Variants in TTN observed in about 807,000 individuals in gnomAD.
TTN encodes the protein connectin.
A neutral mutation model predicts 3,223.0 loss-of-function variants in TTN; 1,525 were observed. The ratio of observed to expected loss-of-function variants is 0.47; its 90% confidence interval spans 0.45 to 0.49. The LOEUF (loss-of-function observed/expected upper bound fraction) is 0.49, where lower values mean the gene tolerates loss of function less well. TTN is among the 20% of genes least tolerant of loss of function. The probability of loss-of-function intolerance (pLI) is 0.00; values close to 1 mark genes in which losing one functional copy is unlikely to be tolerated. For missense variants in TTN, 40,786 were observed against 43,424.0 expected (o/e 0.94, Z 5.40); for synonymous variants, 14,094 against 15,161.0 (o/e 0.93, Z 5.17).
Position 178,642,229 on chromosome 2 carries a change from T to C in TTN, c.40558+8A>G. On this transcript the variant is annotated splice_region_variant and intron_variant, in intron 219 of 362. Transcript: ENST00000589042. Reference sequence around the variant, plus strand: ...TAACGCTGACAGAATGGTTGAAAAATACTATACCGCTTTTCAGAACAACTT... The same window carrying C: ...TAACGCTGACAGAATGGTTGAAAAACACTATACCGCTTTTCAGAACAACTT... The C allele has an allele frequency of 6.4e-7, 1 of 1,573,734 alleles. No homozygotes were observed. Among genetic ancestry groups the C allele is most frequent in the Non-Finnish European group, 8.6e-7 (1 of 1,157,966 alleles).
chr2:178,577,027 T>C lies in TTN; in HGVS notation c.69308A>G (p.Lys23103Arg). 1 of 1,613,472 alleles carries C rather than the reference T, an allele frequency of 6.2e-7. No individual in the cohort carries two copies. Among genetic ancestry groups the C allele is most frequent in the Non-Finnish European group, 8.5e-7 (1 of 1,179,574 alleles). The change falls in exon 324 of 363, where the codon AAA (lysine) becomes AGA (arginine). Residue 23103 changes from lysine (K) to arginine (R), a missense_variant. Transcript: ENST00000589042. ...DIQSCRHVAT[K>R]LIQGNEYIFR... is the part of the protein sequence containing the mutation. ...GATGTACTCATTTCCTTGGATAAGT[T>C]TGGTTGCCACATGCCTGCAAGACTG...
Position 178,706,484 on chromosome 2 carries a change from A to G in TTN, c.29390T>C (p.Ile9797Thr), listed in dbSNP as rs771829036. 1.9e-6 allele frequency: 3 copies of G among 1,613,396 alleles called. No homozygotes were observed. The highest frequency in any genetic ancestry group is 4.5e-5 in the East Asian group (2 of 44,868). Residue 9797 changes from isoleucine to threonine, a missense_variant, in exon 102 of 363, where the codon ATT becomes ACT. By Grantham distance (89) the Ile-to-Thr change is moderately conservative (BLOSUM62 -1). Coordinates refer to ENST00000589042, the MANE Select transcript of TTN (RefSeq NM_001267550.2). The part of the protein sequence containing the change: ...QVDERKKQEK[I>T]EGDLRAMLKK... ...CAGCATTGCTCTAAGATCGCCTTCAATTTTCTCTTGTTTCTTCCTTTCATC... is the reference window on the plus strand; with the variant it reads ...CAGCATTGCTCTAAGATCGCCTTCAGTTTTCTCTTGTTTCTTCCTTTCATC...
At chr2:178,795,849 C>T (rs1171652941) in intron 6 of TTN, among the ~76,000 whole-genome samples, 1 of 152,160 alleles carries the variant, frequency 6.6e-6, no homozygotes, top group Non-Finnish European at 1.5e-5. Context: ...ACAGGTTGTG[C>T]AGTGCACTTT....
intron 146 of TTN, 44 bp from the exon 147 acceptor site, chr2:178,677,331 T>C: frequency 1.8e-6 from 1 of 548,068 alleles, no homozygotes; most frequent in Non-Finnish European, 2.4e-6. Flanking sequence ...CACATATACA[T>C]GGTCATATAT....
rs777212562 is a variant in TTN at position 178,543,904 on chromosome 2, A to G, written c.96240T>C (p.Ala32080=). 1.2e-6 allele frequency: 2 copies of G among 1,613,720 alleles called. No homozygotes were observed. The highest frequency in any genetic ancestry group is 1.7e-6 in the Non-Finnish European group (2 of 1,179,698). ...TTTCAGCTTCAATTGTGTATTTTCC[A>G]GCATCGTACCGATTAACTTTGTCCA... The part of the protein sequence containing the change: ...LIVDKVNRYD[A]GKYTIEAENQ... The change falls in exon 346 of 363, where the codon GCT becomes GCC. Residue 32080 remains alanine (A), a synonymous_variant. Transcript: ENST00000589042.
intron 88 of TTN, among the ~76,000 whole-genome samples, chr2:178,716,266 TA>T (rs1440548041): frequency 1.3e-5 from 2 of 152,176 alleles, no homozygotes; most frequent in Non-Finnish European, 2.9e-5. Context: ...TTTCCTCTTT[TA>T]GGTGTTAAAT....
In TTN at chr2:178,555,065, G is replaced by A. The variant is rs146181116; in HGVS notation, c.88394C>T (p.Ser29465Phe). 3.8e-3 allele frequency: 6,060 copies of A among 1,613,780 alleles called. 19 individuals carry two copies. Among genetic ancestry groups the A allele is most frequent in the Non-Finnish European group, 4.5e-3 (5,271 of 1,179,808 alleles). Reference sequence around the variant, plus strand: ...CTCAATAGTAGGCGCAGGTTTGCCAGAAATGCCAGCTCTGAGCTTCACAGA... The same window carrying A: ...CTCAATAGTAGGCGCAGGTTTGCCAAAAATGCCAGCTCTGAGCTTCACAGA... The part of the protein sequence containing the change: ...GTSVKLRAGI[S>F]GKPAPTIEWY... Residue 29465 changes from serine (S) to phenylalanine (F), a missense_variant, in exon 331 of 363, where the codon TCT becomes TTT. Coordinates refer to ENST00000589042, the MANE Select transcript of TTN (RefSeq NM_001267550.2).
chr2:178,714,389 C>T lies in TTN; in HGVS notation c.26385G>A (p.Gln8795=). The part of the protein sequence containing the change: ...ISYSENIATL[Q]FSRVEPANAG... ...CATTGGCTGGTTCCACTCTTGAAAACTGTAAGGTTGCAATGTTTTCTGAAT... is the reference window on the plus strand; with the variant it reads ...CATTGGCTGGTTCCACTCTTGAAAATTGTAAGGTTGCAATGTTTTCTGAAT... The change falls in exon 91 of 363, where the codon CAG becomes CAA. Residue 8795 remains glutamine, a synonymous_variant. Coordinates refer to ENST00000589042, the MANE Select transcript of TTN (RefSeq NM_001267550.2). 5 of 1,613,754 alleles carry T rather than the reference C, an allele frequency of 3.1e-6. No individual in the cohort carries two copies. Among genetic ancestry groups the T allele is most frequent in the Non-Finnish European group, 4.2e-6 (5 of 1,179,736 alleles).
intron 253 of TTN, 97 bp from the exon 254 acceptor site, chr2:178,617,609 T>TATC: frequency 7.1e-7 from 1 of 1,416,646 alleles, no homozygotes; most frequent in South Asian, 1.4e-5. Context: ...TTAACAGGTT[T>TATC]ATCAAATTCA....
chr2:178,646,077 G>T, intron 216 of TTN, 47 bp from the exon 217 acceptor site: 1 of 652,922 alleles, frequency 1.5e-6, no homozygotes, highest in East Asian at 5.2e-5. Flanking sequence ...ATGTTAGCAT[G>T]TGGATATGTA....
At chr2:178,585,611 G>C (rs557975068) in intron 308 of TTN, among the ~76,000 whole-genome samples, 1 of 152,038 alleles carries the variant, frequency 6.6e-6, no homozygotes, top group African/African-American at 2.4e-5. Context: ...ACCCCTGACA[G>C]GCCCCAGTGT....
intron 316 of TTN, 22 bp downstream of exon 316, chr2:178,581,477 T>C (rs374496815): frequency 1.3e-5 from 20 of 1,558,554 alleles, no homozygotes; most frequent in Admixed American, 1.8e-5. Context: ...AAGCCTTATG[T>C]ACTCCCCCTG....
chr2:178,556,134 A>G (rs1289259051), intron 330 of TTN: 1 of 152,258 alleles, frequency 6.6e-6, no homozygotes, highest in Non-Finnish European at 1.5e-5. Flanking sequence ...TATCATCATC[A>G]AAGTCTGTGT....
rs761922521 is a variant in TTN at position 178,702,229 on chromosome 2, G to A, written c.30450C>T (p.Ile10150=). Reference sequence around the variant, plus strand: ...CTTCACCTCTTGGCTCCAGCCGAGCGATGACCGAGTAGACACCTAGGGTGA... The same window carrying A: ...CTTCACCTCTTGGCTCCAGCCGAGCAATGACCGAGTAGACACCTAGGGTGA... ...TPDDEGVYSV[I]ARLEPRGEAR... The change falls in exon 108 of 363, where the codon ATC becomes ATT. Residue 10150 remains isoleucine, a synonymous_variant. Transcript: ENST00000589042. 16 of 1,613,836 alleles carry A rather than the reference G, an allele frequency of 9.9e-6. No individual in the cohort carries two copies. The highest frequency in any genetic ancestry group is 2.7e-5 in the African/African-American group (2 of 74,902).
chr2:178,632,668 T>A lies in TTN; in HGVS notation c.43338A>T (p.Glu14446Asp), dbSNP rs766663791. Residue 14446 changes from glutamate (E) to aspartate (D), a missense_variant, in exon 235 of 363, where the codon GAA becomes GAT. Glu to Asp is a conservative substitution (Grantham distance 45). Transcript: ENST00000589042. ...GCTCAAATCTGTCATCACCTGTGATTTCCTGGGTTCCTTTTAGCCAACGGA... is the reference window on the plus strand; with the variant it reads ...GCTCAAATCTGTCATCACCTGTGATATCCTGGGTTCCTTTTAGCCAACGGA... Reference protein sequence around the residue: ...KTFRWLKGTQEITGDDRFELI... With the variant: ...KTFRWLKGTQDITGDDRFELI... The A allele has an allele frequency of 3.7e-6, 6 of 1,613,466 alleles. No homozygotes were observed. Among genetic ancestry groups the A allele is most frequent in the Non-Finnish European group, 5.1e-6 (6 of 1,179,548 alleles).
At chr2:178,595,116 G>T (rs1576173455) in intron 295 of TTN, among the ~76,000 whole-genome samples, 1 of 151,864 alleles carries the variant, frequency 6.6e-6, no homozygotes, top group South Asian at 2.1e-4. Flanking sequence ...ACTAGAAATA[G>T]AAAAATTAGC....
chr2:178,591,465 C>A lies in TTN; in HGVS notation c.60260G>T (p.Gly20087Val). 3 of 1,587,816 alleles carry A rather than the reference C, an allele frequency of 1.9e-6. No homozygotes were observed. Among genetic ancestry groups the A allele is most frequent in the Non-Finnish European group, 2.6e-6 (3 of 1,171,138 alleles). Residue 20087 changes from glycine to valine, a missense_variant, in exon 304 of 363, where the codon GGT (glycine) becomes GTT (valine). Coordinates refer to ENST00000589042, the MANE Select transcript of TTN (RefSeq NM_001267550.2). ...TGTGGTTCCAGCCTTTACCACAAGA[C>A]CTTCAATTAATTTCACATCTAGCTC... ...SVELDVKLIEGLVVKAGTTVR... is the reference protein window; with the variant it reads ...SVELDVKLIEVLVVKAGTTVR...
At chr2:178,721,822 ATT>A (rs1421160698) in intron 78 of TTN, 23 bp downstream of exon 78, 3 of 1,470,996 alleles carry the variant, frequency 2.0e-6, no homozygotes, top group Non-Finnish European at 2.7e-6. Context: ...AGGAACAAAT[ATT>A]GTCAAAAGTC....
At chr2:178,745,554 A>G in intron 47 of TTN, 10 of 1,610,754 alleles carry the variant, frequency 6.2e-6, no homozygotes, top group Non-Finnish European at 8.5e-6. Context: ...GATCAATGCT[A>G]ATAATTACTG....
Sources: gnomAD v4.1 joint callset for allele counts (sites outside exome capture counted in the v4.1 genomes callset) on GRCh38, gnomAD v4.1.1 for gene constraint, MANE v1.5 for transcripts, NCBI Gene and HGNC (gene_info 2026-07-23, HGNC 2026-07-21) for gene names.